Variants in PLCH2 observed in about 807,000 individuals in gnomAD.
PLCH2 encodes the protein 1-phosphatidylinositol 4,5-bisphosphate phosphodiesterase eta-2.
PLCH2 carries 98 observed loss-of-function variants against 134.7 expected under a neutral mutation model. That is an observed-to-expected ratio of 0.73 (90% CI 0.62 to 0.86). The LOEUF (loss-of-function observed/expected upper bound fraction) is 0.86. Among genes scored for constraint, PLCH2 ranks in the 40% least tolerant of loss-of-function variants. The pLI, the probability that PLCH2 is intolerant of heterozygous loss-of-function variation, is 0.00. For synonymous variants in PLCH2, 974 were observed against 827.5 expected, an observed-to-expected ratio of 1.18 and a Z score of -3.04; for missense variants, 1,994 against 1,986.6, an observed-to-expected ratio of 1.00 and a Z score of -0.07.
chr1:2,458,322 C>T (rs927665138), intron 2 of PLCH2, among the ~76,000 whole-genome samples: 17 of 152,214 alleles, frequency 1.1e-4, no homozygotes, highest in African/African-American at 4.1e-4. Flanking sequence ...ATCCAGCTGC[C>T]TTGGAGCAGA....
upstream of PLCH2, among the ~76,000 whole-genome samples, chr1:2,424,372 C>T (rs1314878802): frequency 6.6e-6 from 1 of 152,076 alleles, no homozygotes; most frequent in African/African-American, 2.4e-5. Flanking sequence ...CCATCATCTC[C>T]CCATTCCCCA....
At chr1:2,422,293 C>A (rs1178242327), upstream of PLCH2, among the ~76,000 whole-genome samples, 3 of 145,526 alleles carry the variant, frequency 2.1e-5, no homozygotes, top group African/African-American at 7.6e-5. Context: ...CAAACAAAAA[C>A]CCATAAACTA....
At chr1:2,442,086 A>C (rs952980636) in intron 2 of PLCH2, among the ~76,000 whole-genome samples, 29 of 152,154 alleles carry the variant, frequency 1.9e-4, no homozygotes, top group Admixed American at 9.2e-4. Flanking sequence ...AGGCGGCAGG[A>C]CGTAGCCTCT....
intron 1 of PLCH2, among the ~76,000 whole-genome samples, chr1:2,468,911 T>C (rs1021296663): frequency 2.6e-4 from 40 of 152,306 alleles, no homozygotes; most frequent in African/African-American, 8.9e-4. Flanking sequence ...TCTGCAGTGG[T>C]CATGCCGTGC....
Position 2,476,519 on chromosome 1 carries a change from T to A in PLCH2, c.-70T>A. The A allele has an allele frequency of 7.1e-7, 1 of 1,410,302 alleles. No homozygotes were observed. The highest frequency in any genetic ancestry group is 9.3e-7 in the Non-Finnish European group (1 of 1,080,508). 87.4% of individuals were successfully genotyped at this position (1,410,302 alleles called of 1,614,324 possible). A position where few individuals can be genotyped will look rare whatever the true frequency, so the allele number is the denominator to read the frequency against. On this transcript the variant is annotated 5_prime_UTR_variant, in exon 1 of 22. An upstream open reading frame in the 5' UTR loses its in-frame stop. Coordinates refer to ENST00000378486, the MANE Select transcript of PLCH2 (RefSeq NM_014638.4). The stretch of plus-strand genomic sequence containing the variant: ...TCCTGTCGCCAGCGCTGCCACTGCC[T>A]GACCTCCGCTGCCCGAAGGCCGGTG...
intron 8 of PLCH2, among the ~76,000 whole-genome samples, chr1:2,488,091 T>C (rs1642378075): frequency 6.6e-6 from 1 of 152,240 alleles, no homozygotes; most frequent in Non-Finnish European, 1.5e-5. Flanking sequence ...AATTAGTTTC[T>C]GGAATTAGAA....
intron 2 of PLCH2, among the ~76,000 whole-genome samples, chr1:2,458,530 C>G (rs1420718817): frequency 6.6e-6 from 1 of 152,152 alleles, no homozygotes; most frequent in Non-Finnish European, 1.5e-5. Flanking sequence ...CCTGCTTTCA[C>G]AGGAACTGGC....
rs780373068 is a variant in PLCH2, at chr1:2,496,817, C to G, written c.1934-11C>G. The stretch of plus-strand genomic sequence containing the variant: ...GACTGGCAGTCTGATGCCCGGTCAC[C>G]GGCGCCACAGCGGCGTCCAGCTGGC... On this transcript the variant is annotated splice_polypyrimidine_tract_variant and intron_variant, in intron 14 of 21. Coordinates refer to ENST00000378486, the MANE Select transcript of PLCH2 (RefSeq NM_014638.4). The G allele has an allele frequency of 1.2e-6, 2 of 1,610,838 alleles. No individual in the cohort carries two copies. The highest frequency in any genetic ancestry group is 1.7e-6 in the Non-Finnish European group (2 of 1,178,230).
chr1:2,461,595 C>T (rs560374955), intron 2 of PLCH2, among the ~76,000 whole-genome samples: 1 of 152,260 alleles, frequency 6.6e-6, no homozygotes, highest in African/African-American at 2.4e-5. Flanking sequence ...GCCTCGGCTC[C>T]CCTCCAGCCC....
chr1:2,473,246 C>T (rs1570382412), upstream of PLCH2, among the ~76,000 whole-genome samples: 1 of 152,214 alleles, frequency 6.6e-6, no homozygotes, highest in Admixed American at 6.5e-5. Flanking sequence ...GGAGGACAAC[C>T]CAAGGTCGGG....
intron 2 of PLCH2, among the ~76,000 whole-genome samples, chr1:2,436,473 TCCTCCCTCCTCCCCTCCTCCCTCC>T (rs1639403653): frequency 3.0e-5 from 1 of 33,654 alleles, no homozygotes; most frequent in African/African-American, 2.0e-4. Flanking sequence ...CTTTCCTCCT[TCCTCCCTCCTCCCCTCCTCCCTCC>T]TCCTCCTTTC....
At chr1:2,450,560 G>T (rs1261865598) in intron 2 of PLCH2, among the ~76,000 whole-genome samples, 2 of 38,602 alleles carry the variant, frequency 5.2e-5, no homozygotes, top group Middle Eastern at 0.023. Flanking sequence ...TTCCCCACCT[G>T]CCCCCTAACT....
intron 21 of PLCH2, chr1:2,503,624 CTG>C: frequency 1.4e-6 from 1 of 697,152 alleles, no homozygotes; most frequent in Non-Finnish European, 2.6e-6. Context: ...TAGTTAGGAA[CTG>C]AGAGCGGCGA....
chr1:2,420,244 G>T, the PLCH2 span, among the ~76,000 whole-genome samples: 8 of 152,110 alleles, frequency 5.3e-5, no homozygotes, highest in Non-Finnish European at 1.2e-4. Flanking sequence ...TGTCTGGGGG[G>T]CATCCAGGCA....
At chr1:2,467,904 C>T (rs866488227) in intron 1 of PLCH2, among the ~76,000 whole-genome samples, 1 of 152,188 alleles carries the variant, frequency 6.6e-6, no homozygotes. Context: ...CACCCCTTGG[C>T]GCCCCCACCC....
At chr1:2,461,253 AG>A (rs760429895) in intron 2 of PLCH2, among the ~76,000 whole-genome samples, 37 of 152,170 alleles carry the variant, frequency 2.4e-4, no homozygotes, top group African/African-American at 8.7e-4. Context: ...CAGCCAGGGC[AG>A]TGCCTGCTCC....
chr1:2,477,128 G>A (rs569574475), intron 1 of PLCH2, among the ~76,000 whole-genome samples: 2 of 152,264 alleles, frequency 1.3e-5, no homozygotes, highest in African/African-American at 4.8e-5. Context: ...AGACTGGCTG[G>A]GTATGGCTGG....
Position 2,504,112 on chromosome 1 carries a change from G to A in PLCH2, c.3150G>A (p.Glu1050=). Residue 1050 remains glutamate, a synonymous_variant, in exon 22 of 22, where the codon GAG becomes GAA. Transcript: ENST00000378486. ...CAAGCCCCCTAGAGGACACTGAGGA[G>A]CCCCGAGACAGCAGGCCTCGGCCGT... is the stretch of plus-strand genomic sequence containing the variant. ...NVASPLEDTE[E]PRDSRPRPCN... The A allele has an allele frequency of 6.6e-7, 1 of 1,524,646 alleles. No individual in the cohort carries two copies. The highest frequency in any genetic ancestry group is 1.2e-5 in the South Asian group (1 of 81,600). The allele number at this position is 1,524,646 out of a possible 1,614,324, so 94.4% of individuals were successfully genotyped here.
At chr1:2,454,129 T>G (rs982657394) in intron 2 of PLCH2, among the ~76,000 whole-genome samples, 11 of 152,174 alleles carry the variant, frequency 7.2e-5, no homozygotes, top group Non-Finnish European at 1.2e-4. Flanking sequence ...TCTCCAGCAG[T>G]CCGGGCTGGG....
Sources: gnomAD v4.1 joint callset for allele counts (sites outside exome capture counted in the v4.1 genomes callset) on GRCh38, gnomAD v4.1.1 for gene constraint, MANE v1.5 for transcripts, NCBI Gene and HGNC (gene_info 2026-07-23, HGNC 2026-07-21) for gene names.